Variants in SPIDR observed in about 807,000 individuals in gnomAD.
The protein encoded by SPIDR is DNA repair-scaffolding protein.
In SPIDR, 93 loss-of-function variants were observed where a neutral mutation model predicts 104.6. The observed-to-expected ratio is 0.89, with a 90% CI of 0.75 to 1.06. The LOEUF (loss-of-function observed/expected upper bound fraction) is 1.06. Among genes scored for constraint, SPIDR ranks in the 50% least tolerant of loss-of-function variants. The pLI is 0.00. For missense variants in SPIDR, 1,154 were observed against 1,111.2 expected (o/e 1.04, Z -0.55); for synonymous variants, 431 against 416.9 (o/e 1.03, Z -0.41).
chr8:47,268,643 A>C (rs755489392), intron 1 of SPIDR, among the ~76,000 whole-genome samples: 205 of 152,246 alleles, frequency 1.3e-3, no homozygotes, highest in Admixed American at 3.6e-3. Flanking sequence ...TTTTTGGTAG[A>C]GATGGAGTCT....
intron 6 of SPIDR, among the ~76,000 whole-genome samples, chr8:47,399,261 TG>T (rs1350215314): frequency 6.6e-6 from 1 of 151,838 alleles, no homozygotes; most frequent in Non-Finnish European, 1.5e-5. Context: ...GAGGCACAAA[TG>T]GGGGTGACCT....
intron 8 of SPIDR, among the ~76,000 whole-genome samples, chr8:47,503,614 G>A (rs1486282684): frequency 6.6e-6 from 1 of 152,086 alleles, no homozygotes; most frequent in Non-Finnish European, 1.5e-5. Flanking sequence ...TCTTTTAATT[G>A]GCGCATTTAG....
intron 12 of SPIDR, among the ~76,000 whole-genome samples, chr8:47,701,107 G>A (rs1483430071): frequency 6.6e-6 from 1 of 152,196 alleles, no homozygotes; most frequent in African/African-American, 2.4e-5. Context: ...TCTTAGTAGT[G>A]CTAAGTCTGT....
chr8:47,420,188 T>C (rs2065165913), intron 7 of SPIDR, among the ~76,000 whole-genome samples: 1 of 152,200 alleles, frequency 6.6e-6, no homozygotes, highest in South Asian at 2.1e-4. Flanking sequence ...TTGTGTCTCG[T>C]TGATCTGTCT....
intron 8 of SPIDR, among the ~76,000 whole-genome samples, chr8:47,591,581 T>A (rs2061018097): frequency 6.6e-6 from 1 of 152,070 alleles, no homozygotes; most frequent in Admixed American, 6.6e-5. Flanking sequence ...GACAGCAGTG[T>A]TATTAGTGAG....
intron 5 of SPIDR, among the ~76,000 whole-genome samples, chr8:47,356,572 A>G (rs1176114769): frequency 2.6e-5 from 4 of 152,256 alleles, no homozygotes; most frequent in Non-Finnish European, 5.9e-5. Context: ...ACCTATTACC[A>G]GGATTATATA....
intron 7 of SPIDR, among the ~76,000 whole-genome samples, chr8:47,416,997 G>A (rs1406348151): frequency 1.3e-5 from 2 of 152,148 alleles, no homozygotes; most frequent in South Asian, 2.1e-4. Flanking sequence ...TGGTGTATAT[G>A]TGCCACATTT....
intron 6 of SPIDR, 52 bp from the exon 7 acceptor site, chr8:47,407,809 T>C (rs932572275): frequency 2.7e-6 from 3 of 1,114,482 alleles, no homozygotes; most frequent in Non-Finnish European, 2.7e-6. Context: ...GTTCCAGTGA[T>C]TCTGAAGTTT....
In SPIDR at chr8:47,596,005, A is replaced by G. The variant is rs1367641803; in HGVS notation, c.1292A>G (p.Gln431Arg). The change falls in exon 9 of 20, where the codon CAG becomes CGG. Residue 431 changes from glutamine (Q) to arginine (R), a missense_variant and splice_region_variant. Transcript: ENST00000297423. Reference sequence around the variant, plus strand: ...CTAACAAATAATTCACCTGAAATCCAGGTAAACTCCTATTGGCCTAAAGGT... The same window carrying G: ...CTAACAAATAATTCACCTGAAATCCGGGTAAACTCCTATTGGCCTAAAGGT... ...KGLTNNSPEIQVVCSGVATTG... is the reference protein window; with the variant it reads ...KGLTNNSPEIRVVCSGVATTG... 1 of 1,609,294 alleles carries G rather than the reference A, an allele frequency of 6.2e-7. No individual in the cohort carries two copies. The highest frequency in any genetic ancestry group is 1.7e-5 in the Admixed American group (1 of 58,668).
At chr8:47,653,247 A>C (rs958861886) in intron 10 of SPIDR, among the ~76,000 whole-genome samples, 1 of 152,126 alleles carries the variant, frequency 6.6e-6, no homozygotes, top group Non-Finnish European at 1.5e-5. Flanking sequence ...TAACTTACCC[A>C]TGGCACCACC....
chr8:47,331,987 CTCT>C (rs2048795445), intron 5 of SPIDR, among the ~76,000 whole-genome samples: 1 of 27,506 alleles, frequency 3.6e-5, no homozygotes, highest in Non-Finnish European at 6.6e-5. Context: ...TTTTTTTTTT[CTCT>C]TTTTTTTTTT....
Position 47,310,630 on chromosome 8 carries a change from G to A in SPIDR, c.525+16600G>A, listed in dbSNP as rs377360237. ...CCCAGAGGACAGAACTCGGTCATTG[G>A]TTGTGTAGGTGACGGAAGCTTGAAT... On this transcript the variant is annotated intron_variant, in intron 5 of 19. Coordinates refer to ENST00000297423, the MANE Select transcript of SPIDR (RefSeq NM_001080394.4). 3.8e-3 allele frequency among the ~76,000 whole-genome samples: 576 copies of A among 152,276 alleles called. 3 individuals are homozygous for A. Among genetic ancestry groups the A allele is most frequent in the South Asian group, 0.022 (108 of 4,824 alleles).
chr8:47,476,595 C>T lies in SPIDR; in HGVS notation c.1097+36053C>T, dbSNP rs1470972459. On this transcript the variant is annotated intron_variant, in intron 8 of 19. Coordinates refer to ENST00000297423, the MANE Select transcript of SPIDR (RefSeq NM_001080394.4). ...CTTTCTCACCTCACCACCTCCGAGA[C>T]TCCCTTCACCCCTGCCTGGACCACC... Among the ~76,000 whole-genome samples, 5 of 152,258 alleles carry T rather than the reference C, an allele frequency of 3.3e-5. No individual in the cohort carries two copies. The South Asian group carries it at 1.0e-3, about 32-fold the overall frequency.
intron 5 of SPIDR, among the ~76,000 whole-genome samples, chr8:47,304,753 G>A (rs1708608804): frequency 1.3e-5 from 2 of 152,126 alleles, no homozygotes. Flanking sequence ...AAATTACCCA[G>A]TCTCAGGTAT....
chr8:47,733,138 G>A (rs2085540937), intron 19 of SPIDR, among the ~76,000 whole-genome samples: 1 of 152,212 alleles, frequency 6.6e-6, no homozygotes, highest in Admixed American at 6.5e-5. Flanking sequence ...TGTAATCCCA[G>A]CACTTTGGGA....
chr8:47,502,876 G>A (rs1239089816), intron 8 of SPIDR, among the ~76,000 whole-genome samples: 2 of 152,134 alleles, frequency 1.3e-5, no homozygotes, highest in African/African-American at 4.8e-5. Context: ...CTTTATTTCA[G>A]CCTTCATTTC....
intron 8 of SPIDR, among the ~76,000 whole-genome samples, chr8:47,568,147 A>T (rs547351184): frequency 6.6e-6 from 1 of 152,144 alleles, no homozygotes; most frequent in Non-Finnish European, 1.5e-5. Context: ...TTATAGAAAT[A>T]TATATTAATA....
At chr8:47,331,989 CTTT>C (rs1289524835) in intron 5 of SPIDR, among the ~76,000 whole-genome samples, 11 of 36,326 alleles carry the variant, frequency 3.0e-4, no homozygotes, top group African/African-American at 8.9e-4. Flanking sequence ...TTTTTTTTCT[CTTT>C]TTTTTTTTTT....
At chr8:47,516,045 G>A (rs998613962) in intron 8 of SPIDR, among the ~76,000 whole-genome samples, 10 of 152,220 alleles carry the variant, frequency 6.6e-5, no homozygotes, top group Non-Finnish European at 1.0e-4. Flanking sequence ...TCCTGACCTC[G>A]TGATCCGCCC....
Sources: gnomAD v4.1 joint callset for allele counts (sites outside exome capture counted in the v4.1 genomes callset) on GRCh38, gnomAD v4.1.1 for gene constraint, MANE v1.5 for transcripts, NCBI Gene and HGNC (gene_info 2026-07-23, HGNC 2026-07-21) for gene names.